Variants in BMF observed in about 807,000 individuals in gnomAD.
BMF encodes the protein Bcl2 modifying factor, also known as bcl-2-modifying factor.
BMF carries 10 observed loss-of-function variants against 22.0 expected under a neutral mutation model. The observed-to-expected ratio is 0.45, with a 90% CI of 0.28 to 0.77. The LOEUF is 0.77. Among genes scored for constraint, BMF ranks in the 30% least tolerant of loss-of-function variants. BMF has a pLI of 0.13. For synonymous variants in BMF, 87 were observed against 88.1 expected, an observed-to-expected ratio of 0.99 and a Z score of 0.07; for missense variants, 206 against 226.8, an observed-to-expected ratio of 0.91 and a Z score of 0.59.
chr15:40,102,596 G>T (rs2141039859), intron 4 of BMF, among the ~76,000 whole-genome samples: 1 of 152,166 alleles, frequency 6.6e-6, no homozygotes, highest in South Asian at 2.1e-4. Flanking sequence ...AATATTCTGG[G>T]GAATAACTGG....
rs575319331 is a variant in BMF, at chr15:40,100,818, C to T, written c.453+3362G>A. On this transcript the variant is annotated intron_variant, in intron 4 of 4. Coordinates refer to ENST00000354670, the MANE Select transcript of BMF (RefSeq NM_001003940.2). ...TTCATGGCATCAGCACGCCCCCTCC[C>T]TCTGCTCCATACCTCCAAGGGAGAA... Among the ~76,000 whole-genome samples, 29 of 152,320 alleles carry T rather than the reference C, an allele frequency of 1.9e-4. 1 individual carries two copies. Among genetic ancestry groups the T allele is most frequent in the African/African-American group, 6.7e-4 (28 of 41,562 alleles).
At position 40,105,860 on chromosome 15, in the gene BMF, G is replaced by T. The variant is rs1479049988; in HGVS notation, c.227C>A (p.Ala76Asp). The change falls in exon 3 of 5, where the codon GCC (alanine) becomes GAC (aspartate). Residue 76 changes from alanine to aspartate, a missense_variant. By Grantham distance (126) the Ala-to-Asp change is moderately radical (BLOSUM62 -2). Coordinates refer to ENST00000354670, the MANE Select transcript of BMF (RefSeq NM_001003940.2). ...EDKATQTLSP[A>D]SPSQGVMLPC... The stretch of plus-strand genomic sequence containing the variant: ...CAGCATGACACCTTGGCTGGGGGAG[G>T]CTGGGCTGAGAGTCTGGGTAGCTTT... The T allele has an allele frequency of 6.2e-7, 1 of 1,614,150 alleles. No individual in the cohort carries two copies.
chr15:40,099,902 T>C (rs2036441777), intron 4 of BMF, among the ~76,000 whole-genome samples: 1 of 152,058 alleles, frequency 6.6e-6, no homozygotes, highest in Non-Finnish European at 1.5e-5. Flanking sequence ...ATCCTTTTTG[T>C]GATATTACAG....
chr15:40,105,193 ACTGT>A (rs574921403), intron 3 of BMF, among the ~76,000 whole-genome samples: 105 of 152,272 alleles, frequency 6.9e-4, no homozygotes, highest in African/African-American at 2.5e-3. Context: ...AAGAAAACAG[ACTGT>A]CTAACCCTGC....
intron 3 of BMF, among the ~76,000 whole-genome samples, chr15:40,104,742 G>A (rs1247832581): frequency 6.6e-6 from 1 of 152,158 alleles, no homozygotes; most frequent in Non-Finnish European, 1.5e-5. Flanking sequence ...TTTCTGGGTT[G>A]AGCAAAGTAA....
At chr15:40,099,315 C>T (rs542752689) in intron 4 of BMF, among the ~76,000 whole-genome samples, 3 of 152,320 alleles carry the variant, frequency 2.0e-5, no homozygotes, top group South Asian at 4.1e-4. Flanking sequence ...AACACCAACT[C>T]GGGTACAACT....
chr15:40,096,738 C>T lies in BMF; in HGVS notation c.454-4850G>A, dbSNP rs1193541528. ...TAGCATTACCTTTTTCAAAGCAAAT[C>T]ACCACTGATCTGCTCCCCTAGTATG... On this transcript the variant is annotated intron_variant, in intron 4 of 4. Transcript: ENST00000354670. Among the ~76,000 whole-genome samples, 2 of 152,174 alleles carry T rather than the reference C, an allele frequency of 1.3e-5. 1 individual carries two copies. Among genetic ancestry groups the T allele is most frequent in the Non-Finnish European group, 2.9e-5 (2 of 68,032 alleles).
rs1208756202 is a variant in BMF, at chr15:40,104,239, G to A, written c.394C>T (p.Gln132Ter). 6.2e-7 allele frequency: 1 copy of A among 1,614,188 alleles called. No individual in the cohort carries two copies. Among genetic ancestry groups the A allele is most frequent in the Admixed American group, 1.7e-5 (1 of 60,030 alleles). ...EGQWQHQAEV[Q>*]IARKLQCIAD... is the part of the protein sequence containing the mutation. ...ATGCACTGAAGCTTTCGGGCAATCT[G>A]TACCTCTGCTTGATGTTGCCACTGC... The change falls in exon 4 of 5, where the codon CAG becomes TAG. Residue 132 changes from glutamine (Q) to a stop codon, truncating the protein, a stop_gained. Coordinates refer to ENST00000354670, the MANE Select transcript of BMF (RefSeq NM_001003940.2). LOFTEE classifies it high-confidence loss of function.
At chr15:40,098,997 C>G (rs553091119) in intron 4 of BMF, among the ~76,000 whole-genome samples, 4 of 152,336 alleles carry the variant, frequency 2.6e-5, no homozygotes, top group East Asian at 1.9e-4. Context: ...CTGGCTCTCA[C>G]GCACTCTGGC....
At chr15:40,102,859 C>T (rs145941236) in intron 4 of BMF, among the ~76,000 whole-genome samples, 201 of 152,254 alleles carry the variant, frequency 1.3e-3, no homozygotes, top group African/African-American at 4.7e-3. Context: ...GCCAAGTTTC[C>T]ACCAAATAAT....
At chr15:40,093,098 G>T (rs2036278554) in intron 4 of BMF, among the ~76,000 whole-genome samples, 1 of 152,186 alleles carries the variant, frequency 6.6e-6, no homozygotes, top group South Asian at 2.1e-4. Context: ...GCTGGAAAGG[G>T]GGCCCAGGTT....
rs1180069574 is a variant in BMF at position 40,106,062 on chromosome 15, C to G, written c.25G>C (p.Glu9Gln). ...GGTTGGAACACATCATCCTCCAGCT[C>G]CTCCACACACTGAGATGGCTCCATC... Reference protein sequence around the residue: MEPSQCVEELEDDVFQPED... With the variant: MEPSQCVEQLEDDVFQPED... Residue 9 changes from glutamate to glutamine, a missense_variant, in exon 3 of 5, where the codon GAG becomes CAG. By Grantham distance (29) the Glu-to-Gln change is conservative. Coordinates refer to ENST00000354670, the MANE Select transcript of BMF (RefSeq NM_001003940.2). This position sits in a 1 kb window ranked among gnomAD's most constrained non-coding sequence, Gnocchi z 4.1. 9 of 1,609,624 alleles carry G rather than the reference C, an allele frequency of 5.6e-6. No individual in the cohort carries two copies. Among genetic ancestry groups the G allele is most frequent in the Non-Finnish European group, 7.6e-6 (9 of 1,178,004 alleles).
intron 4 of BMF, 28 bp downstream of exon 4, chr15:40,104,152 C>T (rs937259344): frequency 6.2e-7 from 1 of 1,612,160 alleles, no homozygotes; most frequent in Non-Finnish European, 8.5e-7. Flanking sequence ...GCAGACTCAA[C>T]CCTCCTCCCC....
At chr15:40,102,641 T>C (rs1351913976) in intron 4 of BMF, among the ~76,000 whole-genome samples, 1 of 152,088 alleles carries the variant, frequency 6.6e-6, no homozygotes, top group Non-Finnish European at 1.5e-5. Flanking sequence ...TGAAGCAAGC[T>C]GCCTTCCACG....
At chr15:40,092,246 A>C (rs1462275562) in intron 4 of BMF, among the ~76,000 whole-genome samples, 1 of 152,164 alleles carries the variant, frequency 6.6e-6, no homozygotes, top group Non-Finnish European at 1.5e-5. Context: ...CAGCTGCATG[A>C]ACAACAAACT....
chr15:40,096,411 A>G (rs781309813), intron 4 of BMF, among the ~76,000 whole-genome samples: 1 of 152,188 alleles, frequency 6.6e-6, no homozygotes, highest in Non-Finnish European at 1.5e-5. Context: ...TATCAGAGGA[A>G]GAAGCAAAGC....
At position 40,090,819 on chromosome 15, in the gene BMF, T is replaced by C. The variant is rs1374570422; in HGVS notation, c.*968A>G. Reference sequence around the variant, plus strand: ...TGGGGTCCCCTACGGCTGACTCTCATGGTAGGGTGGCCACCATATTTTCCG... The same window carrying C: ...TGGGGTCCCCTACGGCTGACTCTCACGGTAGGGTGGCCACCATATTTTCCG... On this transcript the variant is annotated 3_prime_UTR_variant, in exon 5 of 5. Transcript: ENST00000354670. The C allele has an allele frequency of 1.3e-5, 2 of 152,248 alleles. No individual in the cohort carries two copies. The highest frequency in any genetic ancestry group is 6.5e-5 in the Admixed American group (1 of 15,284). The allele number at this position is 152,248 out of a possible 1,614,324, so 9.4% of individuals were successfully genotyped here.
chr15:40,104,337 T>C lies in BMF; in HGVS notation c.296A>G (p.Asn99Ser), dbSNP rs766172511. The C allele has an allele frequency of 1.4e-5, 23 of 1,613,954 alleles. 1 individual carries two copies. The East Asian group carries it at 1.8e-4, about 13-fold the overall frequency. ...TEEPQRLFYG[N>S]AGYRLPLPAS... is the part of the protein sequence containing the mutation. ...AGGGAGAGGAAGCCGATAGCCAGCA[T>C]TGCCTGCAAAGATAGAGGATCCACA... Residue 99 changes from asparagine (N) to serine (S), a missense_variant, in exon 4 of 5, where the codon AAT becomes AGT. By Grantham distance (46) the Asn-to-Ser change is conservative. Transcript: ENST00000354670.
At chr15:40,100,603 G>A (rs2036456274) in intron 4 of BMF, among the ~76,000 whole-genome samples, 1 of 152,208 alleles carries the variant, frequency 6.6e-6, no homozygotes, top group African/African-American at 2.4e-5. Context: ...CTGATCTTCT[G>A]CCTCCGGTTT....
Sources: allele counts gnomAD v4.1 joint callset (sites outside exome capture counted in the v4.1 genomes callset), GRCh38; gene constraint gnomAD v4.1.1; non-coding constraint Gnocchi (gnomAD v3.1); transcripts MANE v1.5; gene names NCBI Gene and HGNC (gene_info 2026-07-23, HGNC 2026-07-21).